Variants in PTPRD observed in about 807,000 individuals in gnomAD.
The protein encoded by PTPRD is protein tyrosine phosphatase receptor type D, also known as receptor-type tyrosine-protein phosphatase delta.
In PTPRD, 34 loss-of-function variants were observed where a neutral mutation model predicts 214.5. That is an observed-to-expected ratio of 0.16 (90% CI 0.12 to 0.21). PTPRD has a LOEUF of 0.21. Ranked by LOEUF, PTPRD falls within the 10% of genes least tolerant of loss-of-function variation. The pLI is 1.00. For missense variants in PTPRD, 2,545 were observed against 2,398.7 expected (o/e 1.06, Z -1.27); for synonymous variants, 1,128 against 845.7 (o/e 1.33, Z -5.79).
chr9:9,621,678 CAA>C (rs2095245564), intron 7 of PTPRD, among the ~76,000 whole-genome samples: 1 of 152,114 alleles, frequency 6.6e-6, no homozygotes, highest in Non-Finnish European at 1.5e-5. Context: ...CTATAAGGTG[CAA>C]TCTGGTTTTA....
At chr9:9,033,720 T>C (rs2099612989) in intron 10 of PTPRD, among the ~76,000 whole-genome samples, 1 of 152,114 alleles carries the variant, frequency 6.6e-6, no homozygotes, top group Non-Finnish European at 1.5e-5. Flanking sequence ...GTTCTTTTAT[T>C]CTCTCTTGGG....
chr9:9,689,893 C>G (rs2097236892), intron 7 of PTPRD, among the ~76,000 whole-genome samples: 1 of 151,840 alleles, frequency 6.6e-6, no homozygotes, highest in Admixed American at 6.6e-5. Context: ...TTACTAGGCA[C>G]TTAATTAGGT....
chr9:10,397,061 A>T (rs761998416), intron 2 of PTPRD, among the ~76,000 whole-genome samples: 1 of 152,028 alleles, frequency 6.6e-6, no homozygotes, highest in Non-Finnish European at 1.5e-5. Flanking sequence ...CTTGCTCCCA[A>T]CACCACCACT....
chr9:9,260,637 T>C (rs905976587), intron 9 of PTPRD, among the ~76,000 whole-genome samples: 1 of 151,778 alleles, frequency 6.6e-6, no homozygotes, highest in Non-Finnish European at 1.5e-5. Context: ...GGGACTTGGC[T>C]TGACGGCATT....
At chr9:9,939,314 C>G (rs2090680040) in intron 4 of PTPRD, among the ~76,000 whole-genome samples, 1 of 152,158 alleles carries the variant, frequency 6.6e-6, no homozygotes, top group Non-Finnish European at 1.5e-5. Context: ...GTATTTTAGC[C>G]TTGCTCCAGT....
At chr9:10,397,259 G>A (rs780696329) in intron 2 of PTPRD, among the ~76,000 whole-genome samples, 1 of 152,026 alleles carries the variant, frequency 6.6e-6, no homozygotes, top group Non-Finnish European at 1.5e-5. Flanking sequence ...ACTACTCTAT[G>A]TTGCAGTTTC....
chr9:9,108,059 C>T (rs746908307), intron 10 of PTPRD, among the ~76,000 whole-genome samples: 2 of 152,048 alleles, frequency 1.3e-5, no homozygotes, highest in African/African-American at 2.4e-5. Flanking sequence ...ATCAGAAAAC[C>T]ATTTAGTAAA....
chr9:8,917,432 C>A (rs73422056), intron 11 of PTPRD, among the ~76,000 whole-genome samples: 2,381 of 151,962 alleles, frequency 0.016, 63 homozygotes, highest in South Asian at 0.11. Flanking sequence ...CCACCGCGCC[C>A]GGCCTACATA....
At position 9,024,338 on chromosome 9, in the gene PTPRD, G is replaced by GT. The variant is rs746383829; in HGVS notation, c.-142-5604dup. 1.1e-3 allele frequency among the ~76,000 whole-genome samples: 69 copies of GT among 61,334 alleles called. 1 individual carries two copies. The highest frequency in any genetic ancestry group is 2.2e-3 in the African/African-American group (40 of 18,560). The allele number at this position is 61,334 out of a possible 152,430, so 40.2% of individuals were successfully genotyped here. On this transcript the variant is annotated intron_variant, in intron 10 of 45. Transcript: ENST00000381196. Reference sequence around the variant, plus strand: ...TCGAAAAGGCTATTGTCGATTCTTTGTTTTTTTTTGTTTGTTTTTTTTTTT... The same window carrying GT: ...TCGAAAAGGCTATTGTCGATTCTTTGTTTTTTTTTTGTTTGTTTTTTTTTTT...
intron 4 of PTPRD, among the ~76,000 whole-genome samples, chr9:9,955,009 C>T (rs1365623932): frequency 6.6e-6 from 1 of 152,088 alleles, no homozygotes; most frequent in African/African-American, 2.4e-5. Flanking sequence ...AAAGGCCTCC[C>T]ACTAAAAAAT....
intron 11 of PTPRD, among the ~76,000 whole-genome samples, chr9:8,858,773 C>T (rs1429348339): frequency 6.9e-6 from 1 of 145,448 alleles, no homozygotes; most frequent in African/African-American, 2.5e-5. Context: ...GAGGGGCAGG[C>T]AGGAGAGGTG....
chr9:9,936,957 C>T (rs1324936114), intron 5 of PTPRD, among the ~76,000 whole-genome samples: 1 of 150,714 alleles, frequency 6.6e-6, no homozygotes, highest in Admixed American at 6.6e-5. Flanking sequence ...TCATCATTCT[C>T]AGTAAACTAT....
chr9:8,419,792 G>T (rs2094224263), intron 35 of PTPRD, among the ~76,000 whole-genome samples: 1 of 151,856 alleles, frequency 6.6e-6, no homozygotes, highest in African/African-American at 2.4e-5. Context: ...GAGAACAAAT[G>T]CTGTTCCCTA....
chr9:8,580,236 G>T (rs1484714333), intron 14 of PTPRD, among the ~76,000 whole-genome samples: 1 of 152,104 alleles, frequency 6.6e-6, no homozygotes, highest in Admixed American at 6.5e-5. Context: ...AATATGCAAA[G>T]AAAGCAATAA....
intron 3 of PTPRD, among the ~76,000 whole-genome samples, chr9:10,293,171 C>A (rs1038826039): frequency 2.6e-5 from 4 of 151,906 alleles, no homozygotes; most frequent in African/African-American, 7.2e-5. Flanking sequence ...GCCTTGAATT[C>A]TTTATTTACT....
chr9:10,086,780 T>C (rs956112441), intron 3 of PTPRD, among the ~76,000 whole-genome samples: 4 of 151,850 alleles, frequency 2.6e-5, no homozygotes, highest in African/African-American at 4.8e-5. Context: ...GTTGCAACTT[T>C]TCTTTCATAA....
chr9:9,879,984 T>C (rs1407573722), intron 5 of PTPRD, among the ~76,000 whole-genome samples: 2 of 152,162 alleles, frequency 1.3e-5, no homozygotes, highest in Non-Finnish European at 2.9e-5. Context: ...ACAGGTGTGA[T>C]ATGGCTTGCC....
intron 11 of PTPRD, among the ~76,000 whole-genome samples, chr9:8,885,271 T>G (rs1193396028): frequency 6.6e-6 from 1 of 152,090 alleles, no homozygotes; most frequent in Non-Finnish European, 1.5e-5. Context: ...AGATGAGGAT[T>G]AGGGTGACCA....
intron 12 of PTPRD, among the ~76,000 whole-genome samples, chr9:8,690,644 G>A (rs761979767): frequency 6.6e-6 from 1 of 151,952 alleles, no homozygotes; most frequent in Non-Finnish European, 1.5e-5. Flanking sequence ...TGCCCAAAAC[G>A]ATGTTAAAAT....
Sources: gnomAD v4.1 joint callset for allele counts (sites outside exome capture counted in the v4.1 genomes callset) on GRCh38, gnomAD v4.1.1 for gene constraint, MANE v1.5 for transcripts, NCBI Gene and HGNC (gene_info 2026-07-23, HGNC 2026-07-21) for gene names.